FRMPD4: variants seen among roughly 807,000 people sequenced by gnomAD.
FRMPD4 encodes the protein FERM and PDZ domain containing 4.
In FRMPD4, 22 loss-of-function variants were observed where a neutral mutation model predicts 94.1. The observed-to-expected ratio is 0.23, with a 90% CI of 0.17 to 0.33. FRMPD4 has a LOEUF of 0.33. FRMPD4 is among the 10% of genes least tolerant of loss of function. FRMPD4 has a pLI of 1.00. For missense variants in FRMPD4, 1,111 were observed against 1,339.9 expected (o/e 0.83, Z 2.67); for synonymous variants, 631 against 548.6 (o/e 1.15, Z -2.10).
intron 1 of FRMPD4, among the ~76,000 whole-genome samples, chrX:12,200,339 A>AC (rs201127949): frequency 0.038 from 4,177 of 111,309 alleles, 202 homozygotes; most frequent in African/African-American, 0.13. Context: ...GTTAGGTCAG[A>AC]CCTCTTTCAC....
chrX:12,585,626 A>G (rs1353954273), intron 2 of FRMPD4, among the ~76,000 whole-genome samples: 2 of 111,793 alleles, frequency 1.8e-5, no homozygotes, highest in Non-Finnish European at 3.8e-5. Context: ...ACTTCTGTAT[A>G]CCTTACTTAT....
chrX:12,332,135 T>C (rs1170154697), intron 1 of FRMPD4, among the ~76,000 whole-genome samples: 2 of 72,764 alleles, frequency 2.7e-5, no homozygotes, highest in African/African-American at 4.8e-5. Flanking sequence ...TTATATATTA[T>C]ATATAATTTA....
At chrX:12,024,365 G>A (rs950944829) in intron 3 of FRMPD4, among the ~76,000 whole-genome samples, 3 of 111,706 alleles carry the variant, frequency 2.7e-5, no homozygotes, top group Admixed American at 1.9e-4. Flanking sequence ...ACTGAAGTTC[G>A]GAGAAGTAAA....
intron 2 of FRMPD4, among the ~76,000 whole-genome samples, chrX:12,573,628 G>T (rs977759388): frequency 8.9e-6 from 1 of 112,457 alleles, no homozygotes; most frequent in African/African-American, 3.2e-5. Flanking sequence ...TCACTTAACG[G>T]GGGTCCATAT....
At chrX:12,559,844 T>G in intron 2 of FRMPD4, among the ~76,000 whole-genome samples, 1 of 111,972 alleles carries the variant, frequency 8.9e-6, no homozygotes, top group Admixed American at 9.4e-5. Flanking sequence ...AAAGTTGATG[T>G]CTTCAAATTA....
In FRMPD4 at chrX:12,052,870, C is replaced by T. The variant is rs144824069; in HGVS notation, c.95+174852C>T. 4.5e-3 allele frequency among the ~76,000 whole-genome samples: 504 copies of T among 111,331 alleles called. 2 individuals carry two copies. The highest frequency in any genetic ancestry group is 7.2e-3 in the Non-Finnish European group (380 of 53,034). ...CTAATATTATCAACATAAATATGGC[C>T]GTATTTAAGGCCAAGAACCAAGCTA... On this transcript the variant is annotated intron_variant, in intron 3 of 18. Coordinates refer to the FRMPD4 transcript ENST00000640291.
At chrX:12,213,240 C>T (rs2056772431) in intron 1 of FRMPD4, among the ~76,000 whole-genome samples, 1 of 111,804 alleles carries the variant, frequency 8.9e-6, no homozygotes, top group African/African-American at 3.3e-5. Flanking sequence ...ATGATAAGGT[C>T]CCCTTAAAGA....
At chrX:12,077,767 T>A (rs1282500537) in intron 3 of FRMPD4, among the ~76,000 whole-genome samples, 1 of 111,064 alleles carries the variant, frequency 9.0e-6, no homozygotes, top group Non-Finnish European at 1.9e-5. Context: ...CAGACTTCTC[T>A]CTCTCTCTCT....
chrX:12,117,099 C>A (rs17321613), intron 3 of FRMPD4, among the ~76,000 whole-genome samples: 51,587 of 109,735 alleles, frequency 0.47, 9,999 homozygotes, highest in Non-Finnish European at 0.63. Flanking sequence ...CCTGAGGTAT[C>A]TTCTCAAATC....
intron 2 of FRMPD4, among the ~76,000 whole-genome samples, chrX:12,513,196 G>A (rs1032678823): frequency 7.2e-5 from 8 of 111,842 alleles, no homozygotes; most frequent in African/African-American, 2.3e-4. Context: ...AGTTTATTTT[G>A]CTGTGCAGAA....
At chrX:12,423,693 G>A (rs757300711) in intron 1 of FRMPD4, among the ~76,000 whole-genome samples, 2 of 112,442 alleles carry the variant, frequency 1.8e-5, no homozygotes, top group Admixed American at 1.9e-4. Context: ...TCTTTCAATT[G>A]CATAACATTG....
chrX:12,716,025 C>A, intron 14 of FRMPD4, 44 bp from the exon 15 acceptor site: 1 of 281,187 alleles, frequency 3.6e-6, no homozygotes. Context: ...CACCCAAAAC[C>A]AGACAGTACA....
intron 2 of FRMPD4, among the ~76,000 whole-genome samples, chrX:12,579,975 T>C (rs1324932582): frequency 8.9e-6 from 1 of 112,580 alleles, no homozygotes; most frequent in East Asian, 2.8e-4. Flanking sequence ...AAAATAAAAA[T>C]GAATTTCCAC....
At chrX:12,442,022 A>T (rs948034977) in intron 1 of FRMPD4, among the ~76,000 whole-genome samples, 1 of 111,803 alleles carries the variant, frequency 8.9e-6, no homozygotes, top group Admixed American at 9.5e-5. Flanking sequence ...AGAACTTCCC[A>T]ATCACTGTGC....
chrX:11,828,941 G>A lies in FRMPD4; in HGVS notation c.-161+6226G>A, dbSNP rs372301969. On this transcript the variant is annotated intron_variant, in intron 1 of 18. Transcript: ENST00000640291. The stretch of plus-strand genomic sequence containing the variant: ...TCGATGGTGCAGATCTAATCTGAGA[G>A]CGAGCAGGCTCAAGCTCCATGAAGA... 2.1e-4 allele frequency among the ~76,000 whole-genome samples: 23 copies of A among 112,073 alleles called. 2 individuals are homozygous for A. Among genetic ancestry groups the A allele is most frequent in the Admixed American group, 1.5e-3 (16 of 10,557 alleles).
chrX:12,077,814 A>G (rs994780023), intron 3 of FRMPD4, among the ~76,000 whole-genome samples: 6 of 111,637 alleles, frequency 5.4e-5, no homozygotes, highest in Non-Finnish European at 1.1e-4. Flanking sequence ...AGAGTATTAC[A>G]TGGCTCCACA....
intron 1 of FRMPD4, among the ~76,000 whole-genome samples, chrX:12,155,419 G>T (rs2055918451): frequency 9.1e-6 from 1 of 109,874 alleles, no homozygotes; most frequent in Non-Finnish European, 1.9e-5. Context: ...GGAGGACAAT[G>T]TTTTTATCTC....
chrX:12,428,252 T>A (rs1380578405), intron 1 of FRMPD4, among the ~76,000 whole-genome samples: 1 of 111,712 alleles, frequency 9.0e-6, no homozygotes, highest in Non-Finnish European at 1.9e-5. Flanking sequence ...TGTTATTCTC[T>A]GCCTAGCCAA....
rs151227565 is a variant in FRMPD4, at chrX:12,701,966, C to A, written c.1026C>A (p.Thr342=). The change falls in exon 10 of 17, where the codon ACC becomes ACA. Residue 342 remains threonine (T), a synonymous_variant. Transcript: ENST00000675598. ...CCGCATTACAAATGTACATTGCAAC[C>A]GTTACCACCAAGCAAACGCAGAAAA... ...RLAALQMYIA[T]VTTKQTQKIS... is the part of the protein sequence containing the mutation. 1.7e-6 allele frequency: 2 copies of A among 1,210,223 alleles called. No homozygotes were observed. The highest frequency in any genetic ancestry group is 1.8e-5 in the South Asian group (1 of 57,015).
Sources: gnomAD v4.1 joint callset for allele counts (sites outside exome capture counted in the v4.1 genomes callset) on GRCh38, gnomAD v4.1.1 for gene constraint, MANE v1.5 for transcripts, NCBI Gene and HGNC (gene_info 2026-07-23, HGNC 2026-07-21) for gene names.